Variants in ERC2 observed in about 807,000 individuals in gnomAD.
ERC2 encodes ERC protein 2.
In ERC2, 42 loss-of-function variants were observed where a neutral mutation model predicts 114.8. The ratio of observed to expected loss-of-function variants is 0.37; its 90% CI spans 0.29 to 0.47. The LOEUF is 0.47. Among genes scored for constraint, ERC2 ranks in the 20% least tolerant of loss-of-function variants. The pLI is 0.99. For missense variants in ERC2, 939 were observed against 1,150.7 expected (o/e 0.82, Z 2.66); for synonymous variants, 454 against 425.5 (o/e 1.07, Z -0.82).
chr3:56,032,963 AAGAAAGAAAGAAAG>A lies in ERC2; in HGVS notation c.1642-13946_1642-13933del, dbSNP rs1311834972. On this transcript the variant is annotated intron_variant, in intron 7 of 17. Coordinates refer to ENST00000288221, the MANE Select transcript of ERC2 (RefSeq NM_015576.3). ...AGAAAGAAAGAAAGAAAGAAACAGAAAGAAAGAAAGAAAGAGAAAGAAAGAAAGAAAGAAAGAAA... is the reference window on the plus strand; with the variant it reads ...AGAAAGAAAGAAAGAAAGAAACAGAAAGAAAGAAAGAAAGAAAGAAAGAAA... Among the ~76,000 whole-genome samples, 111 of 106,196 alleles carry A rather than the reference AAGAAAGAAAGAAAG, an allele frequency of 1.0e-3. 3 individuals are homozygous for A. Among genetic ancestry groups the A allele is most frequent in the Non-Finnish European group, 1.6e-3 (80 of 49,340 alleles). The allele number at this position is 106,196 out of a possible 152,430, so 69.7% of individuals were successfully genotyped here.
intron 6 of ERC2, among the ~76,000 whole-genome samples, chr3:56,092,567 T>C (rs919541880): frequency 6.6e-6 from 1 of 152,200 alleles, no homozygotes; most frequent in Non-Finnish European, 1.5e-5. Context: ...CCTTACCTCA[T>C]TGAACTTACC....
chr3:55,840,477 A>G (rs977049585), intron 14 of ERC2, among the ~76,000 whole-genome samples: 17 of 151,734 alleles, frequency 1.1e-4, no homozygotes, highest in African/African-American at 3.9e-4. Flanking sequence ...AGGATTGACC[A>G]TACCAAGTGT....
intron 3 of ERC2, among the ~76,000 whole-genome samples, chr3:56,243,968 G>A (rs2051500325): frequency 6.6e-6 from 1 of 152,182 alleles, no homozygotes; most frequent in Admixed American, 6.5e-5. Flanking sequence ...CAACAGGTAG[G>A]CAGGGATCCA....
At chr3:56,390,493 C>T (rs2060089816) in intron 2 of ERC2, among the ~76,000 whole-genome samples, 1 of 152,092 alleles carries the variant, frequency 6.6e-6, no homozygotes, top group African/African-American at 2.4e-5. Context: ...TGATTGGCTA[C>T]CTTGTACACT....
intron 1 of ERC2, among the ~76,000 whole-genome samples, chr3:56,459,174 G>A (rs2107559233): frequency 6.6e-6 from 1 of 152,278 alleles, no homozygotes; most frequent in Admixed American, 6.5e-5. Flanking sequence ...TTATTATAGA[G>A]AAATATGCCA....
chr3:56,320,962 A>T (rs1178575435), intron 2 of ERC2, among the ~76,000 whole-genome samples: 2 of 152,188 alleles, frequency 1.3e-5, no homozygotes, highest in East Asian at 3.9e-4. Flanking sequence ...ACTCCGGCCA[A>T]GTAGAAGCAT....
intron 17 of ERC2, among the ~76,000 whole-genome samples, chr3:55,577,230 AC>A (rs1276565697): frequency 6.6e-6 from 1 of 151,922 alleles, no homozygotes; most frequent in Non-Finnish European, 1.5e-5. Flanking sequence ...CTGCATTGCT[AC>A]TTTTTAATTC....
At chr3:55,759,920 T>C (rs1476652669) in intron 14 of ERC2, among the ~76,000 whole-genome samples, 2 of 152,236 alleles carry the variant, frequency 1.3e-5, no homozygotes, top group African/African-American at 2.4e-5. Context: ...TGGTTGAAGT[T>C]TCCTTAAAAG....
intron 14 of ERC2, among the ~76,000 whole-genome samples, chr3:55,865,061 G>A (rs1373467140): frequency 3.9e-5 from 6 of 152,018 alleles, no homozygotes; most frequent in East Asian, 1.9e-4. Context: ...CTGCAACCAC[G>A]TCACAGGCCA....
At chr3:55,771,087 A>G (rs2068165250) in intron 14 of ERC2, among the ~76,000 whole-genome samples, 1 of 152,164 alleles carries the variant, frequency 6.6e-6, no homozygotes, top group African/African-American at 2.4e-5. Flanking sequence ...GCTATTGTAA[A>G]TAGTGCTGCA....
chr3:55,574,556 T>C (rs887281390), intron 17 of ERC2, among the ~76,000 whole-genome samples: 1 of 152,156 alleles, frequency 6.6e-6, no homozygotes, highest in East Asian at 1.9e-4. Flanking sequence ...TCAGGTCTGT[T>C]ACCTACTAGT....
chr3:55,793,959 G>A (rs541460844), intron 14 of ERC2, among the ~76,000 whole-genome samples: 8 of 152,186 alleles, frequency 5.3e-5, no homozygotes, highest in African/African-American at 1.4e-4. Context: ...TGCAACATAG[G>A]CACACAGATT....
intron 15 of ERC2, among the ~76,000 whole-genome samples, chr3:55,728,328 C>T (rs1031820199): frequency 6.6e-6 from 1 of 152,136 alleles, no homozygotes; most frequent in African/African-American, 2.4e-5. Flanking sequence ...ATATCTGTTA[C>T]AAGTGCTATA....
At chr3:56,431,130 A>T (rs2061771410) in intron 2 of ERC2, among the ~76,000 whole-genome samples, 1 of 152,218 alleles carries the variant, frequency 6.6e-6, no homozygotes, top group Non-Finnish European at 1.5e-5. Flanking sequence ...CAAAGCACTA[A>T]GCACAATGCC....
rs187214041 is a variant in ERC2 at position 56,063,105 on chromosome 3, C to T, written c.1641+17712G>A. 1.1e-4 allele frequency among the ~76,000 whole-genome samples: 17 copies of T among 152,244 alleles called. No homozygotes were observed. In the East Asian group the frequency reaches 2.5e-3, roughly 22 times the overall value. ...AATGCATTATGCTAAGTCAAAGAAG[C>T]CAGACACGAAAGTCTATCCATATAC... is the stretch of plus-strand genomic sequence containing the variant. On this transcript the variant is annotated intron_variant, in intron 7 of 17. Transcript: ENST00000288221.
In ERC2 at chr3:56,007,178, T is replaced by C; in HGVS notation, c.2061+3A>G. 1.3e-6 allele frequency: 2 copies of C among 1,556,778 alleles called. No homozygotes were observed. The highest frequency in any genetic ancestry group is 1.2e-5 in the South Asian group (1 of 84,030). ...ATGATTCTTTTTCTTAGACTTCACT[T>C]ACCTTTTTTAACTGTGCTTCCAATT... is the stretch of plus-strand genomic sequence containing the variant. On this transcript the variant is annotated splice_donor_region_variant and intron_variant, in intron 10 of 17. Coordinates refer to ENST00000288221, the MANE Select transcript of ERC2 (RefSeq NM_015576.3).
At chr3:55,839,607 T>C (rs1055872005) in intron 14 of ERC2, among the ~76,000 whole-genome samples, 2 of 151,866 alleles carry the variant, frequency 1.3e-5, no homozygotes, top group African/African-American at 4.8e-5. Flanking sequence ...CATGAAATGG[T>C]ATAATATTAT....
At chr3:55,809,462 T>A (rs574242404) in intron 14 of ERC2, among the ~76,000 whole-genome samples, 2 of 152,272 alleles carry the variant, frequency 1.3e-5, no homozygotes, top group African/African-American at 4.8e-5. Context: ...GTTGAATGAT[T>A]ATCTCAATAA....
chr3:55,889,430 C>G (rs2063505215), intron 13 of ERC2, among the ~76,000 whole-genome samples: 1 of 152,130 alleles, frequency 6.6e-6, no homozygotes, highest in Non-Finnish European at 1.5e-5. Context: ...TGACATGTAA[C>G]TTTTATAGGG....
Sources: allele counts gnomAD v4.1 joint callset (sites outside exome capture counted in the v4.1 genomes callset), GRCh38; gene constraint gnomAD v4.1.1; transcripts MANE v1.5; gene names NCBI Gene and HGNC (gene_info 2026-07-23, HGNC 2026-07-21).